Variants in PAQR8 observed in about 807,000 individuals in gnomAD.
PAQR8 encodes the protein progestin and adipoQ receptor family member 8, also known as membrane progestin receptor beta.
PAQR8 carries 17 observed loss-of-function variants against 25.2 expected under a neutral mutation model. The ratio of observed to expected loss-of-function variants is 0.67; its 90% confidence interval spans 0.46 to 1.01. PAQR8 has a LOEUF of 1.01. PAQR8 is among the 50% of genes least tolerant of loss of function. The probability of loss-of-function intolerance (pLI) is 0.00; values close to 1 mark genes in which losing one functional copy is unlikely to be tolerated. For synonymous variants in PAQR8, 204 were observed against 190.6 expected (o/e 1.07, Z -0.58); for missense variants, 392 against 448.4 (o/e 0.87, Z 1.14).
At chr6:52,397,024 T>C (rs1272890269) in intron 1 of PAQR8, among the ~76,000 whole-genome samples, 1 of 152,094 alleles carries the variant, frequency 6.6e-6, no homozygotes. Flanking sequence ...GATACCACAA[T>C]TGACAGGGAT....
At chr6:52,396,956 C>T (rs889806945) in intron 1 of PAQR8, among the ~76,000 whole-genome samples, 22 of 152,018 alleles carry the variant, frequency 1.4e-4, no homozygotes, top group Non-Finnish European at 2.5e-4. Flanking sequence ...GTAGCTGAAG[C>T]TAAGGGCCTG....
intron 1 of PAQR8, among the ~76,000 whole-genome samples, chr6:52,397,885 T>A (rs951496502): frequency 2.0e-5 from 3 of 152,182 alleles, no homozygotes; most frequent in African/African-American, 7.2e-5. Flanking sequence ...AACATCATGA[T>A]GACAATATGT....
At chr6:52,388,367 C>T (rs1763657297) in intron 1 of PAQR8, among the ~76,000 whole-genome samples, 1 of 151,172 alleles carries the variant, frequency 6.6e-6, no homozygotes, top group Non-Finnish European at 1.5e-5. Flanking sequence ...CAGAGCAAGA[C>T]CCTGTGTCAG....
rs943903478 is a variant in PAQR8, at chr6:52,406,322, G to C, written c.*2044G>C. The C allele has an allele frequency of 2.4e-6, 1 of 410,464 alleles. No individual in the cohort carries two copies. The highest frequency in any genetic ancestry group is 4.5e-6 in the Non-Finnish European group (1 of 224,706). The allele number at this position is 410,464 out of a possible 1,614,324, so 25.4% of individuals were successfully genotyped here. ...GGAAGAGAGCAGAAGGGAAGAAGGTGTAAGTCAAGCTCTTGAATATAACTG... is the reference window on the plus strand; with the variant it reads ...GGAAGAGAGCAGAAGGGAAGAAGGTCTAAGTCAAGCTCTTGAATATAACTG... On this transcript the variant is annotated 3_prime_UTR_variant, in exon 2 of 2. Coordinates refer to ENST00000442253, the MANE Select transcript of PAQR8 (RefSeq NM_133367.5).
chr6:52,398,604 A>T (rs1421014073), intron 1 of PAQR8, among the ~76,000 whole-genome samples: 1 of 151,618 alleles, frequency 6.6e-6, no homozygotes, highest in African/African-American at 2.4e-5. Flanking sequence ...CCCAGGCTGG[A>T]GTGCAGTGGC....
At position 52,403,487 on chromosome 6, in the gene PAQR8, C is replaced by A. The variant is rs1290150824; in HGVS notation, c.274C>A (p.Arg92=). 2 of 1,614,012 alleles carry A rather than the reference C, an allele frequency of 1.2e-6. No individual in the cohort carries two copies. The highest frequency in any genetic ancestry group is 1.7e-5 in the Admixed American group (1 of 60,018). ...ACTGGCAGCCCTGGCCGTCCTCTTGCGATTCTGGGCCTTTGCCGAGGCTGA... is the reference window on the plus strand; with the variant it reads ...ACTGGCAGCCCTGGCCGTCCTCTTGAGATTCTGGGCCTTTGCCGAGGCTGA... The part of the protein sequence containing the change: ...HLLAALAVLL[R]FWAFAEAEAL... The change falls in exon 2 of 2, where the codon CGA becomes AGA. Residue 92 remains arginine, a synonymous_variant. Coordinates refer to ENST00000442253, the MANE Select transcript of PAQR8 (RefSeq NM_133367.5).
intron 1 of PAQR8, among the ~76,000 whole-genome samples, chr6:52,373,339 A>G (rs1490639962): frequency 6.6e-6 from 1 of 152,204 alleles, no homozygotes; most frequent in Non-Finnish European, 1.5e-5. Flanking sequence ...CCACAATGAA[A>G]AGGACTTAAT....
At chr6:52,385,555 G>C (rs895711164) in intron 1 of PAQR8, among the ~76,000 whole-genome samples, 1 of 152,128 alleles carries the variant, frequency 6.6e-6, no homozygotes, top group African/African-American at 2.4e-5. Flanking sequence ...TGACAAGTGA[G>C]ACCTAATTAA....
intron 1 of PAQR8, among the ~76,000 whole-genome samples, chr6:52,391,980 G>A (rs1350652023): frequency 1.3e-5 from 2 of 152,174 alleles, no homozygotes; most frequent in Non-Finnish European, 2.9e-5. Flanking sequence ...ACATAGCCCA[G>A]ATGAATTACA....
At chr6:52,378,220 T>A (rs1443527518) in intron 1 of PAQR8, among the ~76,000 whole-genome samples, 1 of 152,244 alleles carries the variant, frequency 6.6e-6, no homozygotes, top group Non-Finnish European at 1.5e-5. Context: ...TGTAAGTCAT[T>A]TTAGTAATTA....
At chr6:52,396,759 A>G (rs1763771556) in intron 1 of PAQR8, among the ~76,000 whole-genome samples, 1 of 152,244 alleles carries the variant, frequency 6.6e-6, no homozygotes, top group African/African-American at 2.4e-5. Context: ...AGATAAAATC[A>G]GCAAACCTCG....
intron 1 of PAQR8, among the ~76,000 whole-genome samples, chr6:52,368,010 C>G (rs1432606645): frequency 6.6e-6 from 1 of 152,106 alleles, no homozygotes; most frequent in Non-Finnish European, 1.5e-5. Flanking sequence ...GGGAAGATCG[C>G]TTGAGCCCCA....
chr6:52,373,179 A>G (rs1763440692), intron 1 of PAQR8, among the ~76,000 whole-genome samples: 1 of 152,216 alleles, frequency 6.6e-6, no homozygotes, highest in Admixed American at 6.5e-5. Context: ...AATTGGGTTC[A>G]TTTAGGTACA....
Position 52,404,207 on chromosome 6 carries a change from G to T in PAQR8, c.994G>T (p.Ala332Ser), listed in dbSNP as rs758736954. ...CTGCCTCTCCTTCTTCTTCCTGGCT[G>T]CCTGCAGTGCTGCCACCGCAGCCCT... ...MACLSFFFLA[A>S]CSAATAALLR... Residue 332 changes from alanine to serine, a missense_variant, in exon 2 of 2, where the codon GCC becomes TCC. Physicochemically the swap from Ala to Ser is moderately conservative, Grantham distance 99. Transcript: ENST00000442253. 1.2e-6 allele frequency: 2 copies of T among 1,613,782 alleles called. No homozygotes were observed. Among genetic ancestry groups the T allele is most frequent in the East Asian group, 4.5e-5 (2 of 44,856 alleles).
At chr6:52,392,452 G>T (rs919488450) in intron 1 of PAQR8, among the ~76,000 whole-genome samples, 3 of 152,102 alleles carry the variant, frequency 2.0e-5, no homozygotes, top group African/African-American at 7.2e-5. Flanking sequence ...CCAAGTTTGT[G>T]GTAGATTCAC....
intron 1 of PAQR8, among the ~76,000 whole-genome samples, chr6:52,388,840 G>A (rs1250515839): frequency 6.6e-6 from 1 of 152,206 alleles, no homozygotes; most frequent in African/African-American, 2.4e-5. Flanking sequence ...CACAGGGGAG[G>A]GGTTATATCT....
chr6:52,387,925 T>C (rs72927486), intron 1 of PAQR8, among the ~76,000 whole-genome samples: 4,963 of 152,358 alleles, frequency 0.033, 94 homozygotes, highest in Middle Eastern at 0.058. Context: ...ATCTAGGTTG[T>C]ACTCTCCTTA....
intron 1 of PAQR8, among the ~76,000 whole-genome samples, chr6:52,380,090 A>T (rs1481115791): frequency 6.6e-6 from 1 of 152,216 alleles, no homozygotes; most frequent in Non-Finnish European, 1.5e-5. Context: ...AGCAGAAAAT[A>T]ACATGTTAAG....
intron 1 of PAQR8, among the ~76,000 whole-genome samples, chr6:52,400,679 AG>A (rs1414805654): frequency 6.6e-6 from 1 of 152,236 alleles, no homozygotes. Flanking sequence ...GATTCAGTTC[AG>A]GGTCACTTCA....
Sources: gnomAD v4.1 joint callset for allele counts (sites outside exome capture counted in the v4.1 genomes callset) on GRCh38, gnomAD v4.1.1 for gene constraint, MANE v1.5 for transcripts, NCBI Gene and HGNC (gene_info 2026-07-23, HGNC 2026-07-21) for gene names.